The following MNS1 variants were observed in gnomAD, a reference collection of about 807,000 sequenced individuals.
MNS1 encodes the protein meiosis-specific nuclear structural protein 1.
MNS1 carries 63 observed loss-of-function variants against 72.0 expected under a neutral mutation model. That is an observed-to-expected ratio of 0.87 (90% confidence interval 0.71 to 1.08). MNS1 has a LOEUF of 1.08. MNS1 is among the 50% of genes least tolerant of loss of function. The probability of loss-of-function intolerance (pLI) is 0.00; values close to 1 mark genes in which losing one functional copy is unlikely to be tolerated. For synonymous variants in MNS1, 188 were observed against 172.1 expected, an observed-to-expected ratio of 1.09 and a Z score of -0.72; for missense variants, 604 against 562.4, an observed-to-expected ratio of 1.07 and a Z score of -0.75.
At position 56,434,187 on chromosome 15, in the gene MNS1, GCC is replaced by G; in HGVS notation, c.1218_1219del (p.Arg406SerfsTer7). The G allele has an allele frequency of 6.2e-7, 1 of 1,613,804 alleles. No homozygotes were observed. Among genetic ancestry groups the G allele is most frequent in the African/African-American group, 1.3e-5 (1 of 75,024 alleles). On this transcript the variant is annotated frameshift_variant, in exon 8 of 10. Transcript: ENST00000260453. LOFTEE classifies it high-confidence loss of function. Reference sequence around the variant, plus strand: ...ACGCTCTTCAATAAGTTTTTCCACAGCCCTCCTGTGTTCCAGCTGCTTCATTC... The same window carrying G: ...ACGCTCTTCAATAAGTTTTTCCACAGCTCCTGTGTTCCAGCTGCTTCATTC...
intron 7 of MNS1, among the ~76,000 whole-genome samples, chr15:56,442,597 A>T (rs1428188253): frequency 6.6e-6 from 1 of 152,224 alleles, no homozygotes; most frequent in Non-Finnish European, 1.5e-5. Flanking sequence ...GTCAACATGG[A>T]TGGAGCTGGA....
intron 6 of MNS1, 25 bp downstream of exon 6, chr15:56,443,613 G>C: frequency 6.2e-7 from 1 of 1,603,560 alleles, no homozygotes; most frequent in Non-Finnish European, 8.5e-7. Context: ...TTTTACTAGT[G>C]TTAAAGAAGT....
rs370773735 is a variant in MNS1, at chr15:56,464,010, G to A, written c.225+16C>T. ...GCAAAATGAAAAAAAAAGTAACAAT[G>A]AATAGTAAAACTTACCTTTTGAATG... On this transcript the variant is annotated intron_variant, in intron 2 of 9. Transcript: ENST00000260453. 58 of 1,579,738 alleles carry A rather than the reference G, an allele frequency of 3.7e-5. No homozygotes were observed. The highest frequency in any genetic ancestry group is 4.9e-5 in the Non-Finnish European group (57 of 1,160,326).
At chr15:56,455,957 T>TG (rs1218718066) in intron 3 of MNS1, among the ~76,000 whole-genome samples, 2 of 151,858 alleles carry the variant, frequency 1.3e-5, no homozygotes, top group Non-Finnish European at 2.9e-5. Context: ...TTTAAAACAA[T>TG]GGGGGGGAAG....
At chr15:56,456,779 G>A (rs977750304) in intron 2 of MNS1, among the ~76,000 whole-genome samples, 3 of 151,902 alleles carry the variant, frequency 2.0e-5, no homozygotes, top group Admixed American at 6.6e-5. Flanking sequence ...AAAAATTGTC[G>A]ACATTCTGCT....
At chr15:56,430,458 A>C (rs1438536240) in intron 9 of MNS1, among the ~76,000 whole-genome samples, 3 of 152,172 alleles carry the variant, frequency 2.0e-5, no homozygotes, top group Non-Finnish European at 4.4e-5. Context: ...CTCCTGCCTC[A>C]GCCTCCCAAA....
chr15:56,433,670 A>T (rs533229706), intron 8 of MNS1, among the ~76,000 whole-genome samples: 1 of 152,074 alleles, frequency 6.6e-6, no homozygotes, highest in Non-Finnish European at 1.5e-5. Context: ...CAATGCTCTC[A>T]CTTGAATCGT....
At chr15:56,450,942 A>G (rs1341293752) in intron 3 of MNS1, among the ~76,000 whole-genome samples, 1 of 152,178 alleles carries the variant, frequency 6.6e-6, no homozygotes, top group Non-Finnish European at 1.5e-5. Flanking sequence ...GATGTGAAAC[A>G]GTTTCTTCTT....
chr15:56,436,525 C>T (rs142629574), intron 7 of MNS1, among the ~76,000 whole-genome samples: 3 of 151,780 alleles, frequency 2.0e-5, no homozygotes, highest in African/African-American at 7.3e-5. Flanking sequence ...AAATTGACAC[C>T]CTAACATCAC....
intron 8 of MNS1, among the ~76,000 whole-genome samples, chr15:56,432,469 G>A (rs2050621374): frequency 6.6e-6 from 1 of 152,086 alleles, no homozygotes; most frequent in African/African-American, 2.4e-5. Context: ...GACCTTATAG[G>A]ATTGTATAAT....
intron 7 of MNS1, among the ~76,000 whole-genome samples, chr15:56,435,244 C>A (rs544313123): frequency 1.9e-4 from 29 of 151,960 alleles, no homozygotes; most frequent in Non-Finnish European, 3.8e-4. Flanking sequence ...AATCGATAAT[C>A]TAAGCCCCCA....
At chr15:56,441,396 T>C (rs1406395834) in intron 7 of MNS1, among the ~76,000 whole-genome samples, 1 of 152,138 alleles carries the variant, frequency 6.6e-6, no homozygotes, top group Non-Finnish European at 1.5e-5. Flanking sequence ...TCAGGTCAAG[T>C]TTATTGATAT....
At chr15:56,444,325 A>G in intron 5 of MNS1, 119 bp downstream of exon 5, 1 of 760,286 alleles carries the variant, frequency 1.3e-6, no homozygotes, top group South Asian at 2.0e-5. Flanking sequence ...CATAGCTAGT[A>G]TTTATTGAGC....
At chr15:56,442,433 G>A (rs140365930) in intron 7 of MNS1, among the ~76,000 whole-genome samples, 1,924 of 152,262 alleles carry the variant, frequency 0.013, 40 homozygotes, top group African/African-American at 0.044. Context: ...AATGACACAT[G>A]CATGTGTGTA....
intron 1 of MNS1, 38 bp downstream of exon 1, chr15:56,464,932 C>A: frequency 6.2e-7 from 1 of 1,610,560 alleles, no homozygotes; most frequent in Non-Finnish European, 8.5e-7. Flanking sequence ...ATTAAATCAA[C>A]AATAAACAAG....
At chr15:56,448,274 G>A (rs1232082933) in intron 3 of MNS1, among the ~76,000 whole-genome samples, 1 of 152,098 alleles carries the variant, frequency 6.6e-6, no homozygotes, top group Non-Finnish European at 1.5e-5. Flanking sequence ...AGATACTGGG[G>A]GTACATGTGC....
intron 3 of MNS1, among the ~76,000 whole-genome samples, chr15:56,455,072 C>T (rs1280758375): frequency 6.6e-6 from 1 of 152,074 alleles, no homozygotes; most frequent in Non-Finnish European, 1.5e-5. Flanking sequence ...AAATGCCAAG[C>T]TTGCATTCTG....
At chr15:56,458,560 C>CATAATAGTGTT (rs11270961) in intron 2 of MNS1, among the ~76,000 whole-genome samples, 141,266 of 152,078 alleles carry the variant, frequency 0.93, 65,691 homozygotes, top group African/African-American at 0.98. Flanking sequence ...ATGTATCTAC[C>CATAATAGTGTT]GTACACAATC....
At chr15:56,461,619 C>T (rs1195665824) in intron 2 of MNS1, among the ~76,000 whole-genome samples, 10 of 123,020 alleles carry the variant, frequency 8.1e-5, no homozygotes, top group African/African-American at 1.2e-4. Context: ...CGAGATGGTG[C>T]GGCTGCACTC....
Sources: gnomAD v4.1 joint callset for allele counts (sites outside exome capture counted in the v4.1 genomes callset) on GRCh38, gnomAD v4.1.1 for gene constraint, MANE v1.5 for transcripts, NCBI Gene and HGNC (gene_info 2026-07-23, HGNC 2026-07-21) for gene names.